The following ABTB2 variants were observed in gnomAD, a reference collection of about 807,000 sequenced individuals.
The protein encoded by ABTB2 is ankyrin repeat and BTB domain containing 2.
In ABTB2, 56 loss-of-function variants were observed where a neutral mutation model predicts 104.1. That is an observed-to-expected ratio of 0.54 (90% CI 0.43 to 0.67). The LOEUF (loss-of-function observed/expected upper bound fraction) is 0.67. Ranked by LOEUF, ABTB2 falls within the 30% of genes least tolerant of loss-of-function variation. The pLI is 0.00. For synonymous variants in ABTB2, 606 were observed against 608.2 expected, an observed-to-expected ratio of 1.00 and a Z score of 0.05; for missense variants, 1,279 against 1,407.7, an observed-to-expected ratio of 0.91 and a Z score of 1.46.
chr11:34,211,220 C>T (rs1288684197), intron 1 of ABTB2, among the ~76,000 whole-genome samples: 1 of 152,172 alleles, frequency 6.6e-6, no homozygotes, highest in Non-Finnish European at 1.5e-5. Context: ...GCAATCCTCC[C>T]ATCTCTGCCT....
chr11:34,288,434 T>C (rs1339479966), intron 1 of ABTB2, among the ~76,000 whole-genome samples: 2 of 152,254 alleles, frequency 1.3e-5, no homozygotes, highest in Admixed American at 1.3e-4. Flanking sequence ...AGAGTTATCC[T>C]AAGTGCAAGA....
At chr11:34,172,991 T>C (rs1270418773) in intron 4 of ABTB2, among the ~76,000 whole-genome samples, 164 bp downstream of exon 4, 1 of 152,208 alleles carries the variant, frequency 6.6e-6, no homozygotes, top group Non-Finnish European at 1.5e-5. Context: ...TCTGTTCCCA[T>C]ACTCAGGCTT....
At chr11:34,230,208 C>T (rs1310306002) in intron 1 of ABTB2, among the ~76,000 whole-genome samples, 4 of 152,204 alleles carry the variant, frequency 2.6e-5, no homozygotes, top group Non-Finnish European at 4.4e-5. Context: ...GCAGGGGGAC[C>T]GGTGACCTTG....
At chr11:34,159,410 G>A (rs749731249) in intron 13 of ABTB2, 24 bp from the exon 14 acceptor site, 4 of 1,576,446 alleles carry the variant, frequency 2.5e-6, no homozygotes, top group Admixed American at 3.3e-5. Flanking sequence ...GACAAAGCAA[G>A]GTGGGTTTTG....
At chr11:34,180,200 C>T (rs1312130121) in intron 3 of ABTB2, among the ~76,000 whole-genome samples, 2 of 152,216 alleles carry the variant, frequency 1.3e-5, no homozygotes, top group Non-Finnish European at 2.9e-5. Context: ...GGCTGCCCAC[C>T]ACCCACTCCA....
intron 1 of ABTB2, among the ~76,000 whole-genome samples, chr11:34,355,706 A>C (rs934492621): frequency 6.6e-6 from 1 of 152,198 alleles, no homozygotes; most frequent in Non-Finnish European, 1.5e-5. Flanking sequence ...AAGGCTGTTT[A>C]ACCATAATAC....
intron 4 of ABTB2, 146 bp downstream of exon 4, chr11:34,173,009 G>A: frequency 9.9e-7 from 1 of 1,012,426 alleles, no homozygotes; most frequent in Non-Finnish European, 1.4e-6. Context: ...CTTGGCCTTT[G>A]CAGAGGACAC....
chr11:34,254,956 T>C (rs7947371), intron 1 of ABTB2, among the ~76,000 whole-genome samples: 45,109 of 152,024 alleles, frequency 0.3, 7,048 homozygotes, highest in African/African-American at 0.38. Context: ...CGAGCTACCA[T>C]GCCCAGCCCT....
chr11:34,331,410 T>C (rs1855128202), intron 1 of ABTB2, among the ~76,000 whole-genome samples: 1 of 152,216 alleles, frequency 6.6e-6, no homozygotes, highest in Non-Finnish European at 1.5e-5. Flanking sequence ...GGAAAATAGA[T>C]ACACTGTTCT....
At chr11:34,293,185 A>T (rs1854582708) in intron 1 of ABTB2, among the ~76,000 whole-genome samples, 1 of 152,156 alleles carries the variant, frequency 6.6e-6, no homozygotes, top group Non-Finnish European at 1.5e-5. Flanking sequence ...CTAGGTTTTC[A>T]GCAGAGTAAC....
Position 34,354,207 on chromosome 11 carries a change from C to T in ABTB2, c.883+2494G>A, listed in dbSNP as rs889599978. Among the ~76,000 whole-genome samples, 15 of 152,190 alleles carry T rather than the reference C, an allele frequency of 9.9e-5. 1 individual carries two copies. The highest frequency in any genetic ancestry group is 8.5e-4 in the Admixed American group (13 of 15,290). ...AGACCCGAGAAGGTACAGAGGGAGACACTTTGACTCTGAGCATCCGGGGAG... is the reference window on the plus strand; with the variant it reads ...AGACCCGAGAAGGTACAGAGGGAGATACTTTGACTCTGAGCATCCGGGGAG... On this transcript the variant is annotated intron_variant, in intron 1 of 16. Transcript: ENST00000435224.
intron 1 of ABTB2, among the ~76,000 whole-genome samples, chr11:34,266,945 T>C (rs993061160): frequency 2.4e-5 from 3 of 126,492 alleles, no homozygotes; most frequent in Non-Finnish European, 4.7e-5. Flanking sequence ...AAAATAAACA[T>C]AAAGCTCCTT....
At chr11:34,229,487 A>T (rs898389697) in intron 1 of ABTB2, among the ~76,000 whole-genome samples, 2 of 151,892 alleles carry the variant, frequency 1.3e-5, no homozygotes, top group Admixed American at 1.3e-4. Flanking sequence ...TCTCAAAAAA[A>T]AAAAAAAAAG....
At chr11:34,302,943 G>A (rs1030493364) in intron 1 of ABTB2, among the ~76,000 whole-genome samples, 5 of 152,164 alleles carry the variant, frequency 3.3e-5, no homozygotes, top group Admixed American at 6.5e-5. Flanking sequence ...GGAGGGCAGC[G>A]TTAAGATAAG....
At chr11:34,207,768 C>G (rs1440918476) in intron 1 of ABTB2, among the ~76,000 whole-genome samples, 1 of 152,238 alleles carries the variant, frequency 6.6e-6, no homozygotes, top group African/African-American at 2.4e-5. Flanking sequence ...TCTCAAGCTG[C>G]TGAAATAAAT....
intron 8 of ABTB2, 93 bp from the exon 9 acceptor site, chr11:34,164,914 C>A: frequency 6.9e-7 from 1 of 1,447,984 alleles, no homozygotes; most frequent in East Asian, 2.5e-5. Flanking sequence ...ATTCTCGCAG[C>A]TCTGAGTGCT....
At chr11:34,167,819 A>T in intron 6 of ABTB2, 84 bp downstream of exon 6, 1 of 1,428,402 alleles carries the variant, frequency 7.0e-7, no homozygotes, top group South Asian at 1.2e-5. Flanking sequence ...TGCCCAAAAC[A>T]TCACGCCCAG....
chr11:34,205,564 G>A (rs1371555593), intron 1 of ABTB2, among the ~76,000 whole-genome samples: 3 of 151,756 alleles, frequency 2.0e-5, no homozygotes, highest in Admixed American at 2.0e-4. Flanking sequence ...CTGTTTCTTT[G>A]ATGGACAGAT....
intron 1 of ABTB2, among the ~76,000 whole-genome samples, chr11:34,234,886 C>A (rs561774411): frequency 6.6e-6 from 1 of 152,174 alleles, no homozygotes; most frequent in South Asian, 2.1e-4. Flanking sequence ...GAGACAGAGT[C>A]TCGCTCCTTC....
Sources: allele counts gnomAD v4.1 joint callset (sites outside exome capture counted in the v4.1 genomes callset), GRCh38; gene constraint gnomAD v4.1.1; transcripts MANE v1.5; gene names NCBI Gene and HGNC (gene_info 2026-07-23, HGNC 2026-07-21).